Variants in KCNH5 observed in about 807,000 individuals in gnomAD.
The protein encoded by KCNH5 is voltage-gated delayed rectifier potassium channel KCNH5.
A neutral mutation model predicts 96.1 loss-of-function variants in KCNH5; 46 were observed. The ratio of observed to expected loss-of-function variants is 0.48; its 90% CI spans 0.38 to 0.61. The LOEUF is 0.61. Ranked by LOEUF, KCNH5 falls within the 20% of genes least tolerant of loss-of-function variation. The probability of loss-of-function intolerance (pLI) is 0.00; values close to 1 mark genes in which losing one functional copy is unlikely to be tolerated. For synonymous variants in KCNH5, 439 were observed against 449.8 expected (o/e 0.98, Z 0.30); for missense variants, 907 against 1,225.8 (o/e 0.74, Z 3.88).
intron 10 of KCNH5, among the ~76,000 whole-genome samples, chr14:62,744,379 G>A (rs8022441): frequency 0.088 from 13,450 of 152,148 alleles, 879 homozygotes; most frequent in East Asian, 0.26. Flanking sequence ...TAAACTGTAA[G>A]AGCTTCAGAA....
At chr14:62,942,296 T>C (rs1367069577) in intron 7 of KCNH5, among the ~76,000 whole-genome samples, 2 of 152,164 alleles carry the variant, frequency 1.3e-5, no homozygotes, top group African/African-American at 2.4e-5. Context: ...CATTTCACAA[T>C]TGAAAAAAAT....
At chr14:62,954,057 G>A (rs1384143043) in intron 6 of KCNH5, among the ~76,000 whole-genome samples, 1 of 152,162 alleles carries the variant, frequency 6.6e-6, no homozygotes, top group Non-Finnish European at 1.5e-5. Flanking sequence ...TCCTCCACCT[G>A]TTCTCTAGGC....
At chr14:62,749,847 G>A (rs1258866299) in intron 10 of KCNH5, among the ~76,000 whole-genome samples, 2 of 152,184 alleles carry the variant, frequency 1.3e-5, no homozygotes, top group African/African-American at 4.8e-5. Flanking sequence ...CCATGCCAAG[G>A]GAAGGCGGTC....
chr14:62,710,131 A>C (rs1183940908), intron 10 of KCNH5, among the ~76,000 whole-genome samples: 1 of 152,186 alleles, frequency 6.6e-6, no homozygotes, highest in Non-Finnish European at 1.5e-5. Flanking sequence ...TACACCAAAA[A>C]CCAATACTAC....
chr14:62,982,306 C>T (rs897380873), intron 5 of KCNH5, among the ~76,000 whole-genome samples: 1 of 151,382 alleles, frequency 6.6e-6, no homozygotes, highest in African/African-American at 2.4e-5. Context: ...TCCAGCCTGG[C>T]GACAGAGCGA....
chr14:62,910,934 CA>C (rs1889139188), intron 7 of KCNH5, among the ~76,000 whole-genome samples: 15 of 145,380 alleles, frequency 1.0e-4, no homozygotes, highest in South Asian at 6.9e-4. Flanking sequence ...CACACACACA[CA>C]CACACACCCC....
chr14:62,702,333 T>C lies in KCNH5; in HGVS notation c.*5175A>G, dbSNP rs1049379668. Reference sequence around the variant, plus strand: ...AAACCAAACATTTACATTCACATTATCGAGTGCAATTTTTAAGAATTATTT... The same window carrying C: ...AAACCAAACATTTACATTCACATTACCGAGTGCAATTTTTAAGAATTATTT... On this transcript the variant is annotated 3_prime_UTR_variant, in exon 11 of 11. Coordinates refer to ENST00000322893, the MANE Select transcript of KCNH5 (RefSeq NM_139318.5). The C allele has an allele frequency of 6.6e-6, 1 of 152,052 alleles. No individual in the cohort carries two copies. Among genetic ancestry groups the C allele is most frequent in the Non-Finnish European group, 1.5e-5 (1 of 67,918 alleles). The allele number at this position is 152,052 out of a possible 1,614,324, so 9.4% of individuals were successfully genotyped here.
intron 7 of KCNH5, among the ~76,000 whole-genome samples, chr14:62,866,515 C>T (rs1048225230): frequency 1.3e-5 from 2 of 152,082 alleles, no homozygotes; most frequent in Admixed American, 1.3e-4. Flanking sequence ...TTCATTCTAC[C>T]GGGCACATCA....
At chr14:62,878,350 T>C (rs954393157) in intron 7 of KCNH5, among the ~76,000 whole-genome samples, 2 of 151,748 alleles carry the variant, frequency 1.3e-5, no homozygotes, top group African/African-American at 4.8e-5. Context: ...AGTATATTAA[T>C]AATAAAATAA....
chr14:62,977,626 GGTT>G (rs1395847985), intron 6 of KCNH5, among the ~76,000 whole-genome samples: 1 of 152,096 alleles, frequency 6.6e-6, no homozygotes, highest in African/African-American at 2.4e-5. Context: ...ATTTGAAAAT[GGTT>G]GCCTCTAGGG....
intron 10 of KCNH5, among the ~76,000 whole-genome samples, chr14:62,778,410 T>A (rs931380624): frequency 1.3e-5 from 2 of 152,186 alleles, no homozygotes; most frequent in Non-Finnish European, 2.9e-5. Flanking sequence ...CCAACCACAC[T>A]ACAAGAGTCA....
intron 7 of KCNH5, among the ~76,000 whole-genome samples, chr14:62,863,701 A>G (rs1474912205): frequency 2.6e-5 from 4 of 152,156 alleles, no homozygotes; most frequent in African/African-American, 9.7e-5. Context: ...TTTATATGCT[A>G]TATAAGAAAA....
rs570238460 is a variant in KCNH5 at position 62,817,136 on chromosome 14, AAT to A, written c.1570-14557_1570-14556del. Among the ~76,000 whole-genome samples, 623 of 138,992 alleles carry A rather than the reference AAT, an allele frequency of 4.5e-3. 5 individuals are homozygous for A. The highest frequency in any genetic ancestry group is 0.031 in the East Asian group (154 of 5,042). The allele number at this position is 138,992 out of a possible 152,430, so 91.2% of individuals were successfully genotyped here. Reference sequence around the variant, plus strand: ...ACATAATATATTTATTATAATATATAATATATATATACACACATATACATAAT... The same window carrying A: ...ACATAATATATTTATTATAATATATAATATATATACACACATATACATAAT... On this transcript the variant is annotated intron_variant, in intron 8 of 10. Transcript: ENST00000322893.
chr14:62,749,449 A>G (rs1303037586), intron 10 of KCNH5, among the ~76,000 whole-genome samples: 3 of 152,196 alleles, frequency 2.0e-5, no homozygotes, highest in African/African-American at 7.2e-5. Context: ...TTTTGAGGAA[A>G]GTTGACCTGC....
chr14:62,802,062 C>T (rs1160076858), intron 9 of KCNH5, among the ~76,000 whole-genome samples: 10 of 152,118 alleles, frequency 6.6e-5, no homozygotes, highest in African/African-American at 9.7e-5. Context: ...CTACAAGGCA[C>T]GTTAGGCTGC....
chr14:62,981,374 G>T, intron 5 of KCNH5, 110 bp from the exon 6 acceptor site: 2 of 1,047,522 alleles, frequency 1.9e-6, no homozygotes, highest in African/African-American at 1.6e-5. Context: ...CCACAGTCTT[G>T]CCTCCCTCTT....
chr14:62,983,862 T>G (rs1485905720), intron 5 of KCNH5, among the ~76,000 whole-genome samples: 2 of 152,146 alleles, frequency 1.3e-5, no homozygotes, highest in Admixed American at 1.3e-4. Flanking sequence ...TTACATTTCT[T>G]TAGACATTCA....
chr14:62,916,942 G>A (rs1889287032), intron 7 of KCNH5, among the ~76,000 whole-genome samples: 1 of 152,172 alleles, frequency 6.6e-6, no homozygotes, highest in South Asian at 2.1e-4. Context: ...CTTGATCACT[G>A]ACTGAGAAGA....
At chr14:63,021,111 C>T (rs1566543976) in intron 1 of KCNH5, among the ~76,000 whole-genome samples, 1 of 152,084 alleles carries the variant, frequency 6.6e-6, no homozygotes, top group Non-Finnish European at 1.5e-5. Context: ...CATAAGCTGT[C>T]CACTTCATGA....
Sources: gnomAD v4.1 joint callset for allele counts (sites outside exome capture counted in the v4.1 genomes callset) on GRCh38, gnomAD v4.1.1 for gene constraint, MANE v1.5 for transcripts, NCBI Gene and HGNC (gene_info 2026-07-23, HGNC 2026-07-21) for gene names.